The following KCNMA1 variants were observed in gnomAD, a reference collection of about 807,000 sequenced individuals.
The protein encoded by KCNMA1 is potassium calcium-activated channel subfamily M alpha 1, also known as Calcium-activated potassium channel subunit alpha-1.
Under a neutral mutation model 140.0 loss-of-function variants are expected in KCNMA1, and 29 were observed. The observed-to-expected ratio is 0.21, with a 90% CI of 0.15 to 0.28. KCNMA1 has a LOEUF of 0.28. Ranked by LOEUF, KCNMA1 falls within the 10% of genes least tolerant of loss-of-function variation. The pLI is 1.00. For missense variants in KCNMA1, 880 were observed against 1,602.2 expected (o/e 0.55, Z 7.70); for synonymous variants, 612 against 611.9 (o/e 1.00, Z 0.00).
intron 2 of KCNMA1, among the ~76,000 whole-genome samples, chr10:77,370,427 T>A (rs1484690175): frequency 6.6e-6 from 1 of 152,166 alleles, no homozygotes; most frequent in Non-Finnish European, 1.5e-5. Context: ...CCACATATGA[T>A]AAGAACACAT....
intron 2 of KCNMA1, among the ~76,000 whole-genome samples, chr10:77,379,977 T>C (rs191495428): frequency 4.6e-5 from 7 of 152,306 alleles, no homozygotes; most frequent in East Asian, 1.9e-4. Flanking sequence ...ATAGTAGGGA[T>C]ATGAGGATTA....
chr10:77,543,144 C>T (rs1449446917), intron 1 of KCNMA1, among the ~76,000 whole-genome samples: 1 of 152,128 alleles, frequency 6.6e-6, no homozygotes, highest in African/African-American at 2.4e-5. Flanking sequence ...GACATCCCCT[C>T]CTATATCCCC....
At chr10:76,955,945 G>C (rs1412171686) in intron 20 of KCNMA1, among the ~76,000 whole-genome samples, 1 of 152,162 alleles carries the variant, frequency 6.6e-6, no homozygotes, top group Non-Finnish European at 1.5e-5. Flanking sequence ...CTCTTGCCCT[G>C]TTTACTGGTT....
At chr10:77,589,618 C>T (rs1231464156) in intron 1 of KCNMA1, among the ~76,000 whole-genome samples, 1 of 152,140 alleles carries the variant, frequency 6.6e-6, no homozygotes, top group East Asian at 1.9e-4. Flanking sequence ...AAGCCGCAGA[C>T]CCTCGCGGTG....
intron 3 of KCNMA1, among the ~76,000 whole-genome samples, chr10:77,211,772 T>TA (rs1308685626): frequency 1.3e-5 from 2 of 151,748 alleles, no homozygotes; most frequent in Admixed American, 6.6e-5. Flanking sequence ...ATAATCCCAC[T>TA]AAAAAATGGA....
At chr10:76,958,337 A>G (rs2069271966) in intron 20 of KCNMA1, among the ~76,000 whole-genome samples, 2 of 152,190 alleles carry the variant, frequency 1.3e-5, no homozygotes, top group Non-Finnish European at 2.9e-5. Context: ...TCCACTCACA[A>G]AGTAATTTTC....
At chr10:77,377,419 C>T (rs930725559) in intron 2 of KCNMA1, among the ~76,000 whole-genome samples, 6 of 152,246 alleles carry the variant, frequency 3.9e-5, no homozygotes, top group Admixed American at 2.6e-4. Flanking sequence ...CCAACTAGAA[C>T]ATGGGAAATG....
At chr10:77,429,801 A>G (rs1261716314) in intron 1 of KCNMA1, among the ~76,000 whole-genome samples, 1 of 152,144 alleles carries the variant, frequency 6.6e-6, no homozygotes, top group Non-Finnish European at 1.5e-5. Context: ...ATATGTATCT[A>G]TCATATATGT....
At chr10:77,388,904 C>A (rs1432069685) in intron 2 of KCNMA1, among the ~76,000 whole-genome samples, 1 of 152,172 alleles carries the variant, frequency 6.6e-6, no homozygotes, top group Non-Finnish European at 1.5e-5. Context: ...TCCCTGTGGG[C>A]CGCAGTGCTA....
chr10:77,307,497 A>C (rs192775168), intron 2 of KCNMA1, among the ~76,000 whole-genome samples: 1 of 152,232 alleles, frequency 6.6e-6, no homozygotes, highest in Non-Finnish European at 1.5e-5. Flanking sequence ...ATTTTGCCCA[A>C]CTATGAGCTA....
rs139406271 is a variant in KCNMA1 at position 77,025,512 on chromosome 10, T to A, written c.1928+2311A>T. 174 of 1,390,398 alleles carry A rather than the reference T, an allele frequency of 1.3e-4. 3 individuals are homozygous for A. The South Asian group carries it at 2.1e-3, about 17-fold the overall frequency. 86.1% of individuals were successfully genotyped at this position (1,390,398 alleles called of 1,614,324 possible). A position where few individuals can be genotyped will look rare whatever the true frequency, so the allele number is the denominator to read the frequency against. On this transcript the variant is annotated intron_variant, in intron 16 of 27. Coordinates refer to ENST00000286628, the MANE Select transcript of KCNMA1 (RefSeq NM_001161352.2). ...TCAAACAATTTGATAATAAATCGAC[T>A]GACACCAGAAGGAAAGAAGGAATAA...
At chr10:77,348,706 A>C (rs1026222151) in intron 2 of KCNMA1, among the ~76,000 whole-genome samples, 1 of 152,266 alleles carries the variant, frequency 6.6e-6, no homozygotes, top group Non-Finnish European at 1.5e-5. Flanking sequence ...TATGAAAAAC[A>C]GAATTTTAAA....
At chr10:77,584,628 A>AGT (rs1370558585) in intron 1 of KCNMA1, among the ~76,000 whole-genome samples, 1 of 152,202 alleles carries the variant, frequency 6.6e-6, no homozygotes, top group South Asian at 2.1e-4. Flanking sequence ...AAGTGCTGGG[A>AGT]TTACAGGCAT....
At chr10:77,023,374 C>A (rs2093072167) in intron 16 of KCNMA1, among the ~76,000 whole-genome samples, 1 of 152,158 alleles carries the variant, frequency 6.6e-6, no homozygotes, top group African/African-American at 2.4e-5. Flanking sequence ...CTCTCCCTTT[C>A]ATTTTTGGTA....
intron 1 of KCNMA1, among the ~76,000 whole-genome samples, chr10:77,535,630 G>A (rs1265005185): frequency 2.6e-5 from 4 of 152,108 alleles, no homozygotes; most frequent in African/African-American, 7.2e-5. Flanking sequence ...GCCAAGATAC[G>A]GAATCAACCT....
chr10:77,140,623 T>C (rs2098143015), intron 5 of KCNMA1: 1 of 152,318 alleles, frequency 6.6e-6, no homozygotes, highest in Admixed American at 6.6e-5. Context: ...TGCAAACAGG[T>C]CCTCCTGTCC....
At chr10:77,167,187 C>CTT (rs34495678) in intron 5 of KCNMA1, among the ~76,000 whole-genome samples, 2 of 151,724 alleles carry the variant, frequency 1.3e-5, no homozygotes, top group African/African-American at 4.8e-5. Context: ...ATGAGATCCC[C>CTT]TTTTTTTTAG....
At chr10:77,128,627 T>C (rs1005673242) in intron 5 of KCNMA1, among the ~76,000 whole-genome samples, 1 of 152,150 alleles carries the variant, frequency 6.6e-6, no homozygotes. Context: ...TAAGAAGCAT[T>C]GCAAACTTTT....
At chr10:76,972,113 T>C (rs1490684574) in intron 19 of KCNMA1, among the ~76,000 whole-genome samples, 1 of 152,186 alleles carries the variant, frequency 6.6e-6, no homozygotes, top group Non-Finnish European at 1.5e-5. Flanking sequence ...GTGTATTGTG[T>C]TCAGGGTGAC....
Sources: gnomAD v4.1 joint callset for allele counts (sites outside exome capture counted in the v4.1 genomes callset) on GRCh38, gnomAD v4.1.1 for gene constraint, MANE v1.5 for transcripts, NCBI Gene and HGNC (gene_info 2026-07-23, HGNC 2026-07-21) for gene names.